Variants in EBLN1 observed in about 807,000 individuals in gnomAD.
EBLN1 encodes endogenous Bornavirus like nucleoprotein 1.
EBLN1 carries 1 observed loss-of-function variant against 0.8 expected under a neutral mutation model. The ratio of observed to expected loss-of-function variants is 1.32; its 90% CI spans 0.47 to 6.26. The LOEUF (loss-of-function observed/expected upper bound fraction) is 6.26, where lower values mean the gene tolerates loss of function less well. Among genes scored for constraint, EBLN1 ranks in the 30% most tolerant of loss-of-function variants. The pLI is 0.15. For missense variants in EBLN1, 396 were observed against 447.9 expected (o/e 0.88, Z 1.05); for synonymous variants, 158 against 158.5 (o/e 1.00, Z 0.02).
At position 22,208,915 on chromosome 10, in the gene EBLN1, G is replaced by A; in HGVS notation, c.1069C>T (p.Leu357Phe). Residue 357 changes from leucine to phenylalanine, a missense_variant, in exon 3 of 3, where the codon CTT becomes TTT. Leu to Phe is a conservative substitution (Grantham distance 22). Coordinates refer to ENST00000422359, the MANE Select transcript of EBLN1 (RefSeq NM_001394757.1). ...SDMDPYTLNI[L>F]RGYGISGFE is the part of the protein sequence containing the mutation. ...AATCCCGAAATCCCATAACCGCGAA[G>A]GATGTTAAGTGTATATGGATCCATG... The A allele has an allele frequency of 6.5e-7, 1 of 1,533,788 alleles. No individual in the cohort carries two copies. The highest frequency in any genetic ancestry group is 1.2e-5 in the South Asian group (1 of 83,794).
chr10:22,209,915 G>C lies in EBLN1; in HGVS notation c.69C>G (p.Phe23Leu). The C allele has an allele frequency of 1.4e-6, 2 of 1,475,084 alleles. No homozygotes were observed. The highest frequency in any genetic ancestry group is 1.8e-6 in the Non-Finnish European group (2 of 1,120,296). 91.4% of individuals were successfully genotyped at this position (1,475,084 alleles called of 1,614,324 possible). A position where few individuals can be genotyped will look rare whatever the true frequency, so the allele number is the denominator to read the frequency against. The change falls in exon 3 of 3, where the codon TTC becomes TTG. Residue 23 changes from phenylalanine (F) to leucine (L), a missense_variant. Phe to Leu is a conservative substitution (Grantham distance 22, BLOSUM62 0). Coordinates refer to ENST00000422359, the MANE Select transcript of EBLN1 (RefSeq NM_001394757.1). ...PQDSTKDGSS[F>L]HYFQGRFELS... ...GCTCAAATCTCCCTTGAAAGTAATG[G>C]AAGCTGCTCCCATCCTTTGTACTGT...
Position 22,208,603 on chromosome 10 carries a change from A to G in EBLN1, c.*280T>C, listed in dbSNP as rs1398986554. Among the ~76,000 whole-genome samples, 14 of 152,214 alleles carry G rather than the reference A, an allele frequency of 9.2e-5. No homozygotes were observed. The highest frequency in any genetic ancestry group is 8.5e-4 in the Admixed American group (13 of 15,292). On this transcript the variant is annotated 3_prime_UTR_variant, in exon 3 of 3. Transcript: ENST00000422359. ...ATGAAGAATAAAATAAAAACTCCCCACGTGACTACAGAAAACATTTCAATT... is the reference window on the plus strand; with the variant it reads ...ATGAAGAATAAAATAAAAACTCCCCGCGTGACTACAGAAAACATTTCAATT...
chr10:22,209,963 G>T lies in EBLN1; in HGVS notation c.21C>A (p.Asn7Lys), dbSNP rs1422527557. The change falls in exon 3 of 3, where the codon AAC (asparagine) becomes AAA (lysine). Residue 7 changes from asparagine (N) to lysine (K), a missense_variant. Coordinates refer to ENST00000422359, the MANE Select transcript of EBLN1 (RefSeq NM_001394757.1). ...TGTCTTGTGGGCTGCTGGTCTGTGG[G>T]TTGTTTCTTGGGCGGGACATTGTGG... MSRPRN[N>K]PQTSSPQDST... 3 of 1,416,980 alleles carry T rather than the reference G, an allele frequency of 2.1e-6. No individual in the cohort carries two copies. The highest frequency in any genetic ancestry group is 1.7e-5 in the South Asian group (1 of 60,298). 87.8% of individuals were successfully genotyped at this position (1,416,980 alleles called of 1,614,324 possible).
chr10:22,215,325 A>G (rs1322320889), intron 1 of EBLN1, among the ~76,000 whole-genome samples: 1 of 152,172 alleles, frequency 6.6e-6, no homozygotes, highest in Non-Finnish European at 1.5e-5. Flanking sequence ...ACAATGTGTA[A>G]TATATTATCA....
rs1417760893 is a variant in EBLN1 at position 22,210,126 on chromosome 10, A to C, written c.-44-99T>G. ...TTCTGTATCTCATTTACTTCTTAGT[A>C]ATATTCAGTTTTTTAGTCTAGTAAA... On this transcript the variant is annotated intron_variant, in intron 2 of 2. Coordinates refer to ENST00000422359, the MANE Select transcript of EBLN1 (RefSeq NM_001394757.1). 6 of 1,090,966 alleles carry C rather than the reference A, an allele frequency of 5.5e-6. No individual in the cohort carries two copies. The East Asian group carries it at 1.8e-4, about 33-fold the overall frequency. The allele number at this position is 1,090,966 out of a possible 1,614,324, so 67.6% of individuals were successfully genotyped here. A position where few individuals can be genotyped will look rare whatever the true frequency, so the allele number is the denominator to read the frequency against.
chr10:22,215,516 C>T lies in EBLN1; in HGVS notation c.-169+2400G>A, dbSNP rs1052545766. ...ATAAGGAGATAGTATTAATATTTTT[C>T]TCAAAATAACTAGAAAATAGTTTTG... On this transcript the variant is annotated intron_variant, in intron 1 of 2. Transcript: ENST00000422359. Among the ~76,000 whole-genome samples the T allele has an allele frequency of 7.2e-5, 11 of 152,196 alleles. No individual in the cohort carries two copies. In the Middle Eastern group the frequency reaches 0.01, roughly 141 times the overall value.
intron 1 of EBLN1, among the ~76,000 whole-genome samples, chr10:22,216,646 G>A (rs2131946891): frequency 6.6e-6 from 1 of 152,218 alleles, no homozygotes; most frequent in South Asian, 2.1e-4. Flanking sequence ...TTGGTAGTTT[G>A]GCACATAAAA....
intron 1 of EBLN1, among the ~76,000 whole-genome samples, chr10:22,217,700 G>A (rs376395422): frequency 4.6e-5 from 7 of 152,194 alleles, no homozygotes; most frequent in East Asian, 3.9e-4. Flanking sequence ...CCATAAATTC[G>A]TAAAATTAAC....
intron 2 of EBLN1, among the ~76,000 whole-genome samples, chr10:22,210,282 A>G (rs1834739266): frequency 6.6e-6 from 1 of 152,184 alleles, no homozygotes; most frequent in Non-Finnish European, 1.5e-5. Flanking sequence ...TAGAGAGAAG[A>G]GTCAACCACT....
At chr10:22,217,212 G>T (rs1481970590) in intron 1 of EBLN1, among the ~76,000 whole-genome samples, 1 of 152,096 alleles carries the variant, frequency 6.6e-6, no homozygotes, top group Non-Finnish European at 1.5e-5. Context: ...TGCAACCTTC[G>T]CCTCCTGGGT....
At chr10:22,213,969 T>A (rs1355638688) in intron 1 of EBLN1, among the ~76,000 whole-genome samples, 2 of 152,130 alleles carry the variant, frequency 1.3e-5, no homozygotes, top group Non-Finnish European at 2.9e-5. Flanking sequence ...TTAAACAATG[T>A]GGTCCTGGTG....
rs779991151 is a variant in EBLN1, at chr10:22,208,967, A to T, written c.1017T>A (p.Ser339=). 2.0e-6 allele frequency: 3 copies of T among 1,535,748 alleles called. No homozygotes were observed. The highest frequency in any genetic ancestry group is 2.4e-5 in the South Asian group (2 of 84,066). The part of the protein sequence containing the change: ...TITFPVLQMA[S]AQKISRGSDM... ...CACTTCCTCTGGAGATTTTCTGAGC[A>T]GATGCCATTTGAAGTACAGGGAATG... The change falls in exon 3 of 3, where the codon TCT becomes TCA. Residue 339 remains serine (S), a synonymous_variant. Transcript: ENST00000422359.
In EBLN1 at chr10:22,209,004, C is replaced by T; in HGVS notation, c.980G>A (p.Gly327Glu). 1 of 1,535,700 alleles carries T rather than the reference C, an allele frequency of 6.5e-7. No individual in the cohort carries two copies. Among genetic ancestry groups the T allele is most frequent in the Non-Finnish European group, 8.7e-7 (1 of 1,146,892 alleles). Residue 327 changes from glycine to glutamate, a missense_variant, in exon 3 of 3, where the codon GGA (glycine) becomes GAA (glutamate). Coordinates refer to ENST00000422359, the MANE Select transcript of EBLN1 (RefSeq NM_001394757.1). ...AAGTACAGGGAATGTAATAGTTGAT[C>T]CTGGTATAATGTCAAGGGCTTCAAA... is the stretch of plus-strand genomic sequence containing the variant. ...SGFEALDIIP[G>E]STITFPVLQM...
rs1339168792 is a variant in EBLN1 at position 22,209,588 on chromosome 10, C to T, written c.396G>A (p.Glu132=). The part of the protein sequence containing the change: ...EDVLPTFTAL[E]MSSILRHCCD... ...AGCAGTGACGCAGAATTGATGACAT[C>T]TCAAGGGCAGTGAAGGTAGGCAAAA... The change falls in exon 3 of 3, where the codon GAG becomes GAA. Residue 132 remains glutamate (E), a synonymous_variant. Transcript: ENST00000422359. The T allele has an allele frequency of 4.5e-6, 7 of 1,539,032 alleles. No homozygotes were observed. Among genetic ancestry groups the T allele is most frequent in the Middle Eastern group, 1.7e-4 (1 of 5,990 alleles).
In EBLN1 at chr10:22,209,276, G is replaced by GGTC. The variant is rs1208900124; in HGVS notation, c.705_707dup (p.Thr236dup). 6.9e-6 allele frequency: 11 copies of GGTC among 1,588,468 alleles called. No homozygotes were observed. Among genetic ancestry groups the GGTC allele is most frequent in the Non-Finnish European group, 9.4e-6 (11 of 1,174,660 alleles). On this transcript the variant is annotated inframe_insertion, in exon 3 of 3. Transcript: ENST00000422359. Reference sequence around the variant, plus strand: ...CCAGGAACATTCTCACAGTGTAGTAGGTCATCATCTGTGCTTTGCTGGCAA... The same window carrying GGTC: ...CCAGGAACATTCTCACAGTGTAGTAGGTCGTCATCATCTGTGCTTTGCTGGCAA...
At chr10:22,213,288 G>C (rs1467270453) in intron 1 of EBLN1, among the ~76,000 whole-genome samples, 3 of 152,134 alleles carry the variant, frequency 2.0e-5, no homozygotes, top group Non-Finnish European at 4.4e-5. Context: ...TTGATTATTT[G>C]TATAGAAATT....
intron 1 of EBLN1, among the ~76,000 whole-genome samples, chr10:22,214,497 T>C (rs1473919182): frequency 7.6e-6 from 1 of 132,048 alleles, no homozygotes; most frequent in East Asian, 2.0e-4. Flanking sequence ...TTAGTAACAA[T>C]GAAACAAGAG....
chr10:22,209,224 A>G lies in EBLN1; in HGVS notation c.760T>C (p.Leu254=), dbSNP rs1699952534. The part of the protein sequence containing the change: ...LDQCVDGSTA[L]PAVVLEIPVF... ...GGAATCTCCAACACAACAGCGGGTA[A>G]AGCAGTGGAACCATCCACACACTGA... Residue 254 remains leucine, a synonymous_variant, in exon 3 of 3, where the codon TTA becomes CTA. Transcript: ENST00000422359. 1.3e-6 allele frequency: 2 copies of G among 1,547,434 alleles called. No homozygotes were observed. Among genetic ancestry groups the G allele is most frequent in the Non-Finnish European group, 1.7e-6 (2 of 1,153,424 alleles).
rs769940335 is a variant in EBLN1, at chr10:22,209,817, A to G, written c.167T>C (p.Ile56Thr). Reference sequence around the variant, plus strand: ...TAGCATAGACTTAGTTGCTTTTTCAATGACCTTAACATCTCCAATACCAGG... The same window carrying G: ...TAGCATAGACTTAGTTGCTTTTTCAGTGACCTTAACATCTCCAATACCAGG... ...PQPGIGDVKVIEKATKSMLDP... is the reference protein window; with the variant it reads ...PQPGIGDVKVTEKATKSMLDP... Residue 56 changes from isoleucine (I) to threonine (T), a missense_variant, in exon 3 of 3, where the codon ATT (isoleucine) becomes ACT (threonine). Transcript: ENST00000422359. 3.9e-6 allele frequency: 6 copies of G among 1,534,114 alleles called. No homozygotes were observed. The highest frequency in any genetic ancestry group is 4.9e-5 in the East Asian group (2 of 40,924).
Sources: gnomAD v4.1 joint callset for allele counts (sites outside exome capture counted in the v4.1 genomes callset) on GRCh38, gnomAD v4.1.1 for gene constraint, MANE v1.5 for transcripts, NCBI Gene and HGNC (gene_info 2026-07-23, HGNC 2026-07-21) for gene names.